Variants in ELMOD3 observed in about 807,000 individuals in gnomAD.
ELMOD3 encodes ELMO domain containing 3.
In ELMOD3, 36 loss-of-function variants were observed where a neutral mutation model predicts 47.4. The observed-to-expected ratio is 0.76, with a 90% CI of 0.58 to 1.00. ELMOD3 has a LOEUF of 1.00. Among genes scored for constraint, ELMOD3 ranks in the 50% least tolerant of loss-of-function variants. The probability of loss-of-function intolerance (pLI) is 0.00; values close to 1 mark genes in which losing one functional copy is unlikely to be tolerated. For missense variants in ELMOD3, 404 were observed against 463.8 expected (o/e 0.87, Z 1.18); for synonymous variants, 149 against 183.5 (o/e 0.81, Z 1.52).
In ELMOD3 at chr2:85,368,684, A is replaced by T; in HGVS notation, c.200-2A>T. On this transcript the variant is annotated splice_acceptor_variant, in intron 6 of 13. Transcript: ENST00000409013. LOFTEE classifies it high-confidence loss of function. ...GGGTCTCCTTTTCTCCTACTATTGCAGTTGTGAGTACAGAGGTGGTCAGAG... is the reference window on the plus strand; with the variant it reads ...GGGTCTCCTTTTCTCCTACTATTGCTGTTGTGAGTACAGAGGTGGTCAGAG... 1 of 1,613,974 alleles carries T rather than the reference A, an allele frequency of 6.2e-7. No individual in the cohort carries two copies.
chr2:85,363,296 G>A, intron 6 of ELMOD3, 130 bp downstream of exon 6: 1 of 622,958 alleles, frequency 1.6e-6, no homozygotes, highest in Non-Finnish European at 2.9e-6. Flanking sequence ...ATCAGTCCTT[G>A]GGGAAAAATA....
intron 4 of ELMOD3, among the ~76,000 whole-genome samples, chr2:85,361,946 A>G (rs1203994771): frequency 6.6e-6 from 1 of 151,904 alleles, no homozygotes; most frequent in Non-Finnish European, 1.5e-5. Context: ...AAAAAAAGAA[A>G]AAGTGGAGGG....
rs41289949 is a variant in ELMOD3, at chr2:85,369,888, G to A, written c.360+58G>A. ...AAAGTGCCTTTTCCCTAGGAGCCAA[G>A]CCTCTATCCCACCAGGACAGGGCAT... On this transcript the variant is annotated intron_variant, in intron 8 of 13. Transcript: ENST00000409013. 3.9e-3 allele frequency: 6,179 copies of A among 1,597,602 alleles called. 14 individuals are homozygous for A. The highest frequency in any genetic ancestry group is 4.7e-3 in the Non-Finnish European group (5,556 of 1,172,322).
chr2:85,390,124 C>T lies in ELMOD3; in HGVS notation c.816-14C>T, dbSNP rs1324233820. ...ATCCACCGCTGAGCAGGTCACCTTG[C>T]CTTTTTCCTGCAGAGAGTGTAATCG... On this transcript the variant is annotated splice_polypyrimidine_tract_variant and intron_variant, in intron 12 of 13. Transcript: ENST00000409013. 9 of 1,611,116 alleles carry T rather than the reference C, an allele frequency of 5.6e-6. No homozygotes were observed. The highest frequency in any genetic ancestry group is 1.3e-5 in the African/African-American group (1 of 74,854).
Position 85,362,317 on chromosome 2 carries a change from T to C in ELMOD3, c.129+57T>C, listed in dbSNP as rs1684040108. Reference sequence around the variant, plus strand: ...CCAGGGCTTTTGTTGTGTGTTACTGTGTGGTGCCAGAACTGTGGTAGACGC... The same window carrying C: ...CCAGGGCTTTTGTTGTGTGTTACTGCGTGGTGCCAGAACTGTGGTAGACGC... On this transcript the variant is annotated intron_variant, in intron 5 of 13. Coordinates refer to ENST00000409013, the MANE Select transcript of ELMOD3 (RefSeq NM_001135022.2). 3.7e-6 allele frequency: 4 copies of C among 1,074,464 alleles called. No homozygotes were observed. The Admixed American group carries it at 5.1e-5, about 14-fold the overall frequency. The allele number at this position is 1,074,464 out of a possible 1,614,324, so 66.6% of individuals were successfully genotyped here.
intron 5 of ELMOD3, 53 bp from the exon 6 acceptor site, chr2:85,363,044 A>T: frequency 9.0e-7 from 1 of 1,113,998 alleles, no homozygotes; most frequent in East Asian, 2.4e-5. Flanking sequence ...GCGTTTGTGT[A>T]TATGGGGGTA....
intron 11 of ELMOD3, among the ~76,000 whole-genome samples, chr2:85,381,242 T>C (rs899343160): frequency 6.6e-6 from 1 of 152,224 alleles, no homozygotes; most frequent in Non-Finnish European, 1.5e-5. Context: ...TTTGGAAAGT[T>C]TGTCAAATAT....
intron 3 of ELMOD3, chr2:85,355,841 C>A (rs1351398028): frequency 2.0e-5 from 3 of 152,234 alleles, no homozygotes; most frequent in African/African-American, 7.2e-5. Flanking sequence ...ACTAAGGGGG[C>A]ATTGCCCTGT....
chr2:85,382,521 C>CTTTTTTTTTTTTT (rs112459154), intron 11 of ELMOD3, among the ~76,000 whole-genome samples: 2 of 143,272 alleles, frequency 1.4e-5, no homozygotes, highest in African/African-American at 5.2e-5. Flanking sequence ...GTCACAAGGA[C>CTTTTTTTTTTTTT]TTTTTTTTTT....
chr2:85,379,002 C>T (rs1685361650), intron 11 of ELMOD3, among the ~76,000 whole-genome samples: 2 of 152,090 alleles, frequency 1.3e-5, no homozygotes, highest in African/African-American at 4.8e-5. Flanking sequence ...CAATATAGGC[C>T]ACATTCTTCT....
intron 10 of ELMOD3, 57 bp from the exon 11 acceptor site, chr2:85,377,287 A>G: frequency 6.7e-7 from 1 of 1,483,588 alleles, no homozygotes; most frequent in Admixed American, 2.2e-5. Context: ...TTCCCATGGC[A>G]AGCCCTTGAA....
At chr2:85,363,990 G>A (rs552626592) in intron 6 of ELMOD3, among the ~76,000 whole-genome samples, 2 of 152,260 alleles carry the variant, frequency 1.3e-5, no homozygotes, top group South Asian at 2.1e-4. Flanking sequence ...TTAGCCAGGT[G>A]TAGTGGTGTG....
At chr2:85,367,212 A>C (rs1684447760) in intron 6 of ELMOD3, among the ~76,000 whole-genome samples, 1 of 152,242 alleles carries the variant, frequency 6.6e-6, no homozygotes, top group Non-Finnish European at 1.5e-5. Context: ...CAATGACTAC[A>C]CTATGATAAG....
Position 85,361,300 on chromosome 2 carries a change from C to G in ELMOD3, c.55-886C>G, listed in dbSNP as rs113743282. Among the ~76,000 whole-genome samples the G allele has an allele frequency of 7.2e-5, 11 of 152,328 alleles. 1 individual carries two copies. Among genetic ancestry groups the G allele is most frequent in the African/African-American group, 2.6e-4 (11 of 41,574 alleles). ...CTAAACTTCGCTCACTCAGAACCCT[C>G]AGACTTTCAAAGAGCCAGGAAATCG... On this transcript the variant is annotated intron_variant, in intron 4 of 13. Coordinates refer to ENST00000409013, the MANE Select transcript of ELMOD3 (RefSeq NM_001135022.2).
intron 11 of ELMOD3, among the ~76,000 whole-genome samples, chr2:85,378,246 G>C (rs568406340): frequency 2.0e-5 from 3 of 152,132 alleles, no homozygotes; most frequent in African/African-American, 7.2e-5. Context: ...TAATTAGATG[G>C]GGAGGAAAGT....
chr2:85,354,850 G>A, intron 1 of ELMOD3, 21 bp downstream of exon 1: 1 of 211,170 alleles, frequency 4.7e-6, no homozygotes, highest in Non-Finnish European at 9.7e-6. Context: ...GTTAACACTT[G>A]CCAAGGGGAG....
chr2:85,369,513 C>T (rs576547675), intron 7 of ELMOD3, among the ~76,000 whole-genome samples: 1 of 152,312 alleles, frequency 6.6e-6, no homozygotes, highest in South Asian at 2.1e-4. Flanking sequence ...GCCCCATACC[C>T]ACCACAGAGG....
chr2:85,369,599 G>C (rs1230871372), intron 7 of ELMOD3, 140 bp from the exon 8 acceptor site: 1 of 842,768 alleles, frequency 1.2e-6, no homozygotes, highest in Non-Finnish European at 1.9e-6. Context: ...CTTGAAAGAA[G>C]ATTGGTTGTA....
At chr2:85,378,747 T>G (rs1348432595) in intron 11 of ELMOD3, among the ~76,000 whole-genome samples, 1 of 152,206 alleles carries the variant, frequency 6.6e-6, no homozygotes, top group African/African-American at 2.4e-5. Context: ...ATATTTTCCT[T>G]TCACATTTTC....
Sources: gnomAD v4.1 joint callset for allele counts (sites outside exome capture counted in the v4.1 genomes callset) on GRCh38, gnomAD v4.1.1 for gene constraint, MANE v1.5 for transcripts, NCBI Gene and HGNC (gene_info 2026-07-23, HGNC 2026-07-21) for gene names.